The following RAB38 variants were observed in gnomAD, a reference collection of about 807,000 sequenced individuals.
RAB38 encodes RAB38, member RAS oncogene family, also known as ras-related protein Rab-38.
RAB38 carries 15 observed loss-of-function variants against 18.4 expected under a neutral mutation model. The ratio of observed to expected loss-of-function variants is 0.82; its 90% CI spans 0.55 to 1.26. The LOEUF (loss-of-function observed/expected upper bound fraction) is 1.26. Ranked by LOEUF, RAB38 falls within the 50% of genes most tolerant of loss-of-function variation. RAB38 has a pLI of 0.00. For missense variants in RAB38, 294 were observed against 267.4 expected, an observed-to-expected ratio of 1.10 and a Z score of -0.69; for synonymous variants, 101 against 104.4, an observed-to-expected ratio of 0.97 and a Z score of 0.20.
the RAB38 span, among the ~76,000 whole-genome samples, chr11:87,822,632 A>G: frequency 6.6e-6 from 1 of 152,200 alleles, no homozygotes; most frequent in Non-Finnish European, 1.5e-5. Context: ...AGGGCAAGCA[A>G]TCCAAAAGAG....
chr11:88,156,266 A>G (rs1297532838), intron 1 of RAB38, among the ~76,000 whole-genome samples: 1 of 152,214 alleles, frequency 6.6e-6, no homozygotes, highest in African/African-American at 2.4e-5. Flanking sequence ...AAGAATCTTA[A>G]AGGCAGCTAA....
the RAB38 span, among the ~76,000 whole-genome samples, chr11:88,100,556 T>A: frequency 0.21 from 31,525 of 151,908 alleles, 4,602 homozygotes; most frequent in East Asian, 0.4. Context: ...AAATAGATTA[T>A]TAAACATTTC....
At chr11:88,054,890 G>T in the RAB38 span, among the ~76,000 whole-genome samples, 1 of 152,170 alleles carries the variant, frequency 6.6e-6, no homozygotes, top group Admixed American at 6.6e-5. Context: ...TTGGGCATGA[G>T]AATTCATTTC....
At chr11:87,936,008 T>C in the RAB38 span, among the ~76,000 whole-genome samples, 1 of 152,140 alleles carries the variant, frequency 6.6e-6, no homozygotes, top group Non-Finnish European at 1.5e-5. Flanking sequence ...TGCTATTTGT[T>C]TTATTTGCTG....
chr11:88,049,112 A>G, the RAB38 span, among the ~76,000 whole-genome samples: 1 of 152,114 alleles, frequency 6.6e-6, no homozygotes, highest in African/African-American at 2.4e-5. Context: ...TCCCGCTTGA[A>G]GCAGCCCTGA....
the RAB38 span, among the ~76,000 whole-genome samples, chr11:88,024,341 C>T: frequency 3.9e-5 from 6 of 152,218 alleles, no homozygotes; most frequent in East Asian, 3.9e-4. Context: ...TGAACTATCA[C>T]CTCACCCCAG....
chr11:87,867,475 T>C, the RAB38 span, among the ~76,000 whole-genome samples: 1 of 151,776 alleles, frequency 6.6e-6, no homozygotes, highest in African/African-American at 2.4e-5. Context: ...AAATCTACTT[T>C]AGGATAGTCA....
At chr11:87,971,926 T>A in the RAB38 span, among the ~76,000 whole-genome samples, 8 of 151,738 alleles carry the variant, frequency 5.3e-5, no homozygotes, top group African/African-American at 2.4e-5. Flanking sequence ...AAAAGCGTTT[T>A]TTTTTTTTTA....
At chr11:87,882,812 G>GGAAAT in the RAB38 span, among the ~76,000 whole-genome samples, 1 of 151,756 alleles carries the variant, frequency 6.6e-6, no homozygotes, top group South Asian at 2.1e-4. Flanking sequence ...GAGAATTTCA[G>GGAAAT]TTATTTTTCA....
chr11:88,102,902 C>T, the RAB38 span, among the ~76,000 whole-genome samples: 1 of 151,948 alleles, frequency 6.6e-6, no homozygotes, highest in Admixed American at 6.6e-5. Flanking sequence ...TTACTCCCGT[C>T]TCCTCCCTTC....
chr11:88,027,794 G>A, the RAB38 span, among the ~76,000 whole-genome samples: 1 of 152,202 alleles, frequency 6.6e-6, no homozygotes. Context: ...CACCTCTGGG[G>A]GCAGGGAACA....
chr11:88,084,830 T>TA, the RAB38 span, among the ~76,000 whole-genome samples: 1 of 151,918 alleles, frequency 6.6e-6, no homozygotes, highest in African/African-American at 2.4e-5. Flanking sequence ...CATTACCTAA[T>TA]ACACTGCCTG....
At chr11:87,863,049 G>A in the RAB38 span, among the ~76,000 whole-genome samples, 1 of 151,830 alleles carries the variant, frequency 6.6e-6, no homozygotes, top group East Asian at 1.9e-4. Flanking sequence ...CTTCTCTAGT[G>A]TCTTGAACAT....
the RAB38 span, among the ~76,000 whole-genome samples, chr11:87,889,000 C>T: frequency 2.0e-5 from 3 of 151,894 alleles, no homozygotes. Flanking sequence ...AATTAGTGCT[C>T]ATGTGACTCT....
the RAB38 span, among the ~76,000 whole-genome samples, chr11:87,953,517 A>T: frequency 6.6e-6 from 1 of 151,976 alleles, no homozygotes. Flanking sequence ...GTGCTATAAT[A>T]AAATTTATGT....
At chr11:88,154,259 A>G (rs11607311) in intron 1 of RAB38, among the ~76,000 whole-genome samples, 37,429 of 152,114 alleles carry the variant, frequency 0.25, 4,656 homozygotes, top group Admixed American at 0.27. Flanking sequence ...CCGAGTGCAT[A>G]GAAAGGCAAC....
chr11:88,020,152 G>A, the RAB38 span, among the ~76,000 whole-genome samples: 1 of 152,082 alleles, frequency 6.6e-6, no homozygotes, highest in Admixed American at 6.6e-5. Context: ...TATATAAAAT[G>A]AAAAGACATA....
chr11:88,085,488 T>G, the RAB38 span, among the ~76,000 whole-genome samples: 1 of 152,042 alleles, frequency 6.6e-6, no homozygotes, highest in South Asian at 2.1e-4. Flanking sequence ...ATATTTTCAT[T>G]ATAGTATGTA....
chr11:87,812,460 A>G, the RAB38 span, among the ~76,000 whole-genome samples: 1 of 152,210 alleles, frequency 6.6e-6, no homozygotes, highest in Non-Finnish European at 1.5e-5. Context: ...TGAAGGAGAC[A>G]TGTAGTCGTA....
Sources: gnomAD v4.1 joint callset for allele counts (sites outside exome capture counted in the v4.1 genomes callset) on GRCh38, gnomAD v4.1.1 for gene constraint, MANE v1.5 for transcripts, NCBI Gene and HGNC (gene_info 2026-07-23, HGNC 2026-07-21) for gene names.